Variants in ZNF804B observed in about 807,000 individuals in gnomAD.
The protein encoded by ZNF804B is zinc finger 804B.
ZNF804B carries 80 observed loss-of-function variants against 101.4 expected under a neutral mutation model. That is an observed-to-expected ratio of 0.79 (90% CI 0.66 to 0.95). The LOEUF is 0.95. Among genes scored for constraint, ZNF804B ranks in the 40% least tolerant of loss-of-function variants. The pLI, the probability that ZNF804B is intolerant of heterozygous loss-of-function variation, is 0.00. For synonymous variants in ZNF804B, 622 were observed against 558.8 expected (o/e 1.11, Z -1.59); for missense variants, 1,673 against 1,561.9 (o/e 1.07, Z -1.20).
intron 1 of ZNF804B, among the ~76,000 whole-genome samples, chr7:88,957,056 G>T (rs548824187): frequency 6.6e-6 from 1 of 151,428 alleles, no homozygotes; most frequent in East Asian, 2.0e-4. Context: ...CTGAATGAAA[G>T]CTCAATGATT....
At chr7:88,983,309 C>G (rs573789226) in intron 1 of ZNF804B, among the ~76,000 whole-genome samples, 3 of 151,982 alleles carry the variant, frequency 2.0e-5, no homozygotes, top group Non-Finnish European at 4.4e-5. Flanking sequence ...ACTAGTGGTT[C>G]CTAAATTTTA....
chr7:89,145,239 A>C (rs1790774986), intron 1 of ZNF804B, among the ~76,000 whole-genome samples: 1 of 152,084 alleles, frequency 6.6e-6, no homozygotes, highest in African/African-American at 2.4e-5. Flanking sequence ...TAGTTTAAAA[A>C]ATATTGCCAA....
rs1788972001 is a variant in ZNF804B at position 89,220,048 on chromosome 7, T to TGC, written c.249+1753_249+1754insGC. On this transcript the variant is annotated intron_variant, in intron 2 of 3. Transcript: ENST00000333190. The stretch of plus-strand genomic sequence containing the variant: ...ATATATATACGCACATATATGTGCA[T>TGC]ATATACATATATACGCACATATATG... Among the ~76,000 whole-genome samples the TGC allele has an allele frequency of 3.2e-5, 3 of 93,220 alleles. 1 individual carries two copies. The highest frequency in any genetic ancestry group is 4.4e-5 in the Non-Finnish European group (2 of 44,982). The allele number at this position is 93,220 out of a possible 152,430, so 61.2% of individuals were successfully genotyped here.
At chr7:89,317,089 C>G (rs573813357) in intron 2 of ZNF804B, among the ~76,000 whole-genome samples, 1 of 152,226 alleles carries the variant, frequency 6.6e-6, no homozygotes, top group African/African-American at 2.4e-5. Flanking sequence ...TATACAGAGA[C>G]TAAGACTAAG....
chr7:88,854,394 T>TCTTTCTTTCTTTCTTCCTTCCTTC (rs1791497771), intron 1 of ZNF804B, among the ~76,000 whole-genome samples: 1 of 139,206 alleles, frequency 7.2e-6, no homozygotes, highest in African/African-American at 2.8e-5. Flanking sequence ...TGCATTTCTT[T>TCTTTCTTTCTTTCTTCCTTCCTTC]CTTTCTTTCT....
chr7:89,092,837 T>C (rs1376918725), intron 1 of ZNF804B, among the ~76,000 whole-genome samples: 3 of 152,190 alleles, frequency 2.0e-5, no homozygotes, highest in Admixed American at 6.5e-5. Context: ...GTTCATCTTA[T>C]ACATTTTTAA....
chr7:89,305,761 G>A (rs1306869162), intron 2 of ZNF804B, among the ~76,000 whole-genome samples: 2 of 151,452 alleles, frequency 1.3e-5, no homozygotes, highest in Admixed American at 6.6e-5. Flanking sequence ...TATACTTCTG[G>A]TATTAATTTT....
chr7:89,312,281 A>G (rs1435116244), intron 2 of ZNF804B, among the ~76,000 whole-genome samples: 1 of 152,178 alleles, frequency 6.6e-6, no homozygotes, highest in African/African-American at 2.4e-5. Context: ...GCTCCAGAAC[A>G]TTGGGCTCAG....
intron 1 of ZNF804B, among the ~76,000 whole-genome samples, chr7:88,953,038 C>A (rs1460698708): frequency 2.6e-5 from 4 of 151,756 alleles, no homozygotes; most frequent in Non-Finnish European, 4.4e-5. Flanking sequence ...CCGCTGTAGA[C>A]CAACTCTTAC....
intron 1 of ZNF804B, among the ~76,000 whole-genome samples, chr7:89,163,028 AT>A (rs1222848391): frequency 2.4e-4 from 37 of 152,138 alleles, no homozygotes; most frequent in African/African-American, 8.4e-4. Context: ...GCTGCATAGA[AT>A]TCCATGGTGT....
chr7:89,244,293 T>C (rs1045553369), intron 2 of ZNF804B, among the ~76,000 whole-genome samples: 6 of 152,096 alleles, frequency 3.9e-5, no homozygotes, highest in Non-Finnish European at 8.8e-5. Flanking sequence ...ACTTCTGAAT[T>C]ATGATGATTA....
intron 1 of ZNF804B, among the ~76,000 whole-genome samples, chr7:89,041,465 G>A (rs1047214900): frequency 6.6e-6 from 1 of 152,190 alleles, no homozygotes; most frequent in East Asian, 1.9e-4. Context: ...GCAAGTGCCA[G>A]CCTGGAGCCT....
At chr7:89,018,320 AT>A (rs2116209947) in intron 1 of ZNF804B, among the ~76,000 whole-genome samples, 1 of 151,986 alleles carries the variant, frequency 6.6e-6, no homozygotes, top group East Asian at 1.9e-4. Flanking sequence ...ATATTTATTG[AT>A]TTGCATATCT....
At chr7:88,876,824 G>C (rs1326348553) in intron 1 of ZNF804B, among the ~76,000 whole-genome samples, 2 of 150,536 alleles carry the variant, frequency 1.3e-5, no homozygotes, top group Non-Finnish European at 3.0e-5. Context: ...CTTTATAAGA[G>C]AATATAAATG....
intron 1 of ZNF804B, among the ~76,000 whole-genome samples, chr7:88,762,107 G>T (rs1789906852): frequency 1.3e-5 from 2 of 152,164 alleles, no homozygotes; most frequent in Admixed American, 6.5e-5. Context: ...TCTACACTTT[G>T]ACTCACTGGA....
intron 1 of ZNF804B, among the ~76,000 whole-genome samples, chr7:89,109,707 C>T (rs1790186890): frequency 6.6e-6 from 1 of 152,182 alleles, no homozygotes. Context: ...TTAAGCATAG[C>T]TTAAATCATT....
intron 1 of ZNF804B, among the ~76,000 whole-genome samples, chr7:88,795,217 A>G (rs376465018): frequency 6.6e-6 from 1 of 152,174 alleles, no homozygotes; most frequent in East Asian, 1.9e-4. Flanking sequence ...GAGTTAAATA[A>G]TATCCTAGGA....
intron 1 of ZNF804B, among the ~76,000 whole-genome samples, chr7:89,058,389 A>T (rs1177349859): frequency 7.9e-6 from 1 of 126,818 alleles, no homozygotes; most frequent in Non-Finnish European, 1.8e-5. Flanking sequence ...ATGGTATAAC[A>T]TAATTTTATA....
At chr7:88,950,840 T>C (rs1217654868) in intron 1 of ZNF804B, among the ~76,000 whole-genome samples, 1 of 151,868 alleles carries the variant, frequency 6.6e-6, no homozygotes, top group Non-Finnish European at 1.5e-5. Context: ...ACTCCATATA[T>C]AGTTTTTGAA....
Sources: gnomAD v4.1 joint callset for allele counts (sites outside exome capture counted in the v4.1 genomes callset) on GRCh38, gnomAD v4.1.1 for gene constraint, MANE v1.5 for transcripts, NCBI Gene and HGNC (gene_info 2026-07-23, HGNC 2026-07-21) for gene names.